DDX46: variants seen among roughly 807,000 people sequenced by gnomAD.
DDX46 encodes the protein DEAD-box helicase 46.
DDX46 carries 30 observed loss-of-function variants against 134.9 expected under a neutral mutation model. The observed-to-expected ratio is 0.22, with a 90% CI of 0.17 to 0.30. DDX46 has a LOEUF of 0.30. DDX46 is among the 10% of genes least tolerant of loss of function. DDX46 has a pLI of 1.00. For missense variants in DDX46, 622 were observed against 1,248.7 expected, an observed-to-expected ratio of 0.50 and a Z score of 7.56; for synonymous variants, 415 against 404.1, an observed-to-expected ratio of 1.03 and a Z score of -0.32.
In DDX46 at chr5:134,804,883, A is replaced by G. The variant is rs116038087; in HGVS notation, c.1955-2865A>G. ...CCTGTCATGATCACATTTAACACAC[A>G]TGGAACCACCATAGGCTCTGCTGAC... On this transcript the variant is annotated intron_variant, in intron 15 of 22. Coordinates refer to ENST00000452510, the MANE Select transcript of DDX46 (RefSeq NM_001300860.2). 2,269 of 375,926 alleles carry G rather than the reference A, an allele frequency of 6.0e-3. 57 individuals are homozygous for G. Among genetic ancestry groups the G allele is most frequent in the African/African-American group, 0.044 (2,098 of 47,748 alleles). The allele number at this position is 375,926 out of a possible 1,614,324, so 23.3% of individuals were successfully genotyped here.
chr5:134,771,526 A>G (rs1753768657), intron 4 of DDX46, among the ~76,000 whole-genome samples: 1 of 147,902 alleles, frequency 6.8e-6, no homozygotes, highest in Admixed American at 6.7e-5. Flanking sequence ...CCCTGTCTCT[A>G]CTAAAAATAC....
At chr5:134,773,353 C>G (rs1753832170) in intron 4 of DDX46, among the ~76,000 whole-genome samples, 1 of 152,050 alleles carries the variant, frequency 6.6e-6, no homozygotes, top group Non-Finnish European at 1.5e-5. Flanking sequence ...AACTGGGAAA[C>G]TTTGCTTGCT....
chr5:134,827,360 C>T (rs575511136), intron 22 of DDX46, among the ~76,000 whole-genome samples: 2 of 152,084 alleles, frequency 1.3e-5, no homozygotes, highest in Non-Finnish European at 2.9e-5. Flanking sequence ...CTGCAACCTC[C>T]GCCTCCTGCG....
chr5:134,819,116 C>T (rs1755369733), intron 21 of DDX46, 112 bp downstream of exon 21: 24 of 1,177,236 alleles, frequency 2.0e-5, no homozygotes, highest in Non-Finnish European at 2.3e-5. Context: ...AAGTAAGAAA[C>T]ACCTCTGAAA....
At chr5:134,765,095 G>A (rs1372784546) in intron 2 of DDX46, among the ~76,000 whole-genome samples, 12 of 146,572 alleles carry the variant, frequency 8.2e-5, no homozygotes, top group Non-Finnish European at 3.0e-5. Context: ...TTGAGACAGA[G>A]TCTCACTCTG....
At chr5:134,786,997 A>G (rs1160099228) in intron 11 of DDX46, among the ~76,000 whole-genome samples, 1 of 152,084 alleles carries the variant, frequency 6.6e-6, no homozygotes, top group Admixed American at 6.5e-5. Flanking sequence ...ACCTTGGCTC[A>G]CTGCATCCTT....
At position 134,767,161 on chromosome 5, in the gene DDX46, T is replaced by G. The variant is rs1188926875; in HGVS notation, c.350+101T>G. The G allele has an allele frequency of 9.2e-6, 13 of 1,409,968 alleles. No individual in the cohort carries two copies. The Admixed American group carries it at 3.6e-4, about 39-fold the overall frequency. 87.3% of individuals were successfully genotyped at this position (1,409,968 alleles called of 1,614,324 possible). A position where few individuals can be genotyped will look rare whatever the true frequency, so the allele number is the denominator to read the frequency against. The stretch of plus-strand genomic sequence containing the variant: ...CCTGTAAGTTTGTATTTATAGAGAA[T>G]TAACTGCATTTGGCTCCTACCATGA... On this transcript the variant is annotated intron_variant, in intron 3 of 22. Coordinates refer to ENST00000452510, the MANE Select transcript of DDX46 (RefSeq NM_001300860.2).
intron 16 of DDX46, among the ~76,000 whole-genome samples, 179 bp downstream of exon 16, chr5:134,808,120 A>T (rs190065493): frequency 3.9e-5 from 6 of 152,298 alleles, no homozygotes; most frequent in South Asian, 4.1e-4. Flanking sequence ...GTGTTGTTCA[A>T]ATTATCAGAT....
At chr5:134,784,301 T>C in intron 9 of DDX46, 65 bp from the exon 10 acceptor site, 2 of 1,515,020 alleles carry the variant, frequency 1.3e-6, no homozygotes, top group Non-Finnish European at 1.8e-6. Context: ...TGGGAACACA[T>C]AGGACCTGTC....
At chr5:134,825,401 A>G (rs1755562863) in intron 21 of DDX46, among the ~76,000 whole-genome samples, 1 of 152,274 alleles carries the variant, frequency 6.6e-6, no homozygotes, top group Non-Finnish European at 1.5e-5. Context: ...CTTCATAGCC[A>G]TACCCTTGGC....
chr5:134,788,502 T>G lies in DDX46; in HGVS notation c.1465-11T>G, dbSNP rs1260023650. 1 of 1,611,172 alleles carries G rather than the reference T, an allele frequency of 6.2e-7. No individual in the cohort carries two copies. The highest frequency in any genetic ancestry group is 1.1e-5 in the South Asian group (1 of 90,838). ...TAGTAATAGACTATAAAGTTTCATC[T>G]TTTTTATTAGATTGCTGAGCTGAAA... On this transcript the variant is annotated splice_polypyrimidine_tract_variant and intron_variant, in intron 11 of 22. Coordinates refer to ENST00000452510, the MANE Select transcript of DDX46 (RefSeq NM_001300860.2).
At chr5:134,761,771 T>A (rs1580766057) in intron 1 of DDX46, among the ~76,000 whole-genome samples, 1 of 152,182 alleles carries the variant, frequency 6.6e-6, no homozygotes, top group Non-Finnish European at 1.5e-5. Flanking sequence ...ATCCCATCGG[T>A]GCTAGCTTCA....
At position 134,781,294 on chromosome 5, in the gene DDX46, A is replaced by G. The variant is rs758931727; in HGVS notation, c.879+48A>G. On this transcript the variant is annotated intron_variant, in intron 7 of 22. Coordinates refer to ENST00000452510, the MANE Select transcript of DDX46 (RefSeq NM_001300860.2). ...TTGTTTATGATACTATCCTGGAAGC[A>G]TTTATTAGAAAGCATTCATGGAGAT... 2.8e-6 allele frequency: 4 copies of G among 1,413,702 alleles called. No homozygotes were observed. The African/African-American group carries it at 5.8e-5, about 20-fold the overall frequency. 87.6% of individuals were successfully genotyped at this position (1,413,702 alleles called of 1,614,324 possible). A position where few individuals can be genotyped will look rare whatever the true frequency, so the allele number is the denominator to read the frequency against.
At chr5:134,785,889 C>T (rs1754317502) in intron 11 of DDX46, among the ~76,000 whole-genome samples, 1 of 151,620 alleles carries the variant, frequency 6.6e-6, no homozygotes, top group Admixed American at 6.6e-5. Flanking sequence ...CGCTCTGTCA[C>T]ACAGGCTGGA....
At chr5:134,801,903 A>T (rs567115322) in intron 15 of DDX46, among the ~76,000 whole-genome samples, 1 of 152,164 alleles carries the variant, frequency 6.6e-6, no homozygotes, top group Non-Finnish European at 1.5e-5. Flanking sequence ...GGATTGCTAC[A>T]TCATATGGTG....
chr5:134,816,401 TA>T, intron 18 of DDX46, 28 bp from the exon 19 acceptor site: 1 of 1,556,740 alleles, frequency 6.4e-7, no homozygotes, highest in South Asian at 1.2e-5. Context: ...TTCAGTTTTT[TA>T]CTAGTCCTTT....
At chr5:134,822,673 TCAAG>T in intron 21 of DDX46, among the ~76,000 whole-genome samples, 1 of 152,186 alleles carries the variant, frequency 6.6e-6, no homozygotes, top group East Asian at 1.9e-4. Flanking sequence ...CAGTCACAGC[TCAAG>T]CAAGCCTCCC....
chr5:134,793,953 C>T (rs1231861531), intron 13 of DDX46, among the ~76,000 whole-genome samples: 1 of 152,006 alleles, frequency 6.6e-6, no homozygotes, highest in Non-Finnish European at 1.5e-5. Context: ...TTTTTAATCT[C>T]CTAGTATTTA....
intron 2 of DDX46, among the ~76,000 whole-genome samples, chr5:134,765,628 G>T (rs1349227277): frequency 6.6e-6 from 1 of 152,090 alleles, no homozygotes; most frequent in Non-Finnish European, 1.5e-5. Flanking sequence ...ATAGAGATGG[G>T]GGTCTTAACT....
Sources: gnomAD v4.1 joint callset for allele counts (sites outside exome capture counted in the v4.1 genomes callset) on GRCh38, gnomAD v4.1.1 for gene constraint, MANE v1.5 for transcripts, NCBI Gene and HGNC (gene_info 2026-07-23, HGNC 2026-07-21) for gene names.